PLEKHH2: variants seen among roughly 807,000 people sequenced by gnomAD.
PLEKHH2 encodes the protein pleckstrin homology domain-containing family H member 2.
In PLEKHH2, 129 loss-of-function variants were observed where a neutral mutation model predicts 187.9. The ratio of observed to expected loss-of-function variants is 0.69; its 90% CI spans 0.59 to 0.79. PLEKHH2 has a LOEUF of 0.79. Ranked by LOEUF, PLEKHH2 falls within the 30% of genes least tolerant of loss-of-function variation. The pLI, the probability that PLEKHH2 is intolerant of heterozygous loss-of-function variation, is 0.00. For synonymous variants in PLEKHH2, 686 were observed against 605.6 expected (o/e 1.13, Z -1.95); for missense variants, 2,076 against 1,751.2 (o/e 1.19, Z -3.31).
intron 2 of PLEKHH2, among the ~76,000 whole-genome samples, chr2:43,677,786 C>T (rs1346225267): frequency 2.0e-5 from 3 of 149,578 alleles, no homozygotes; most frequent in Admixed American, 6.6e-5. Flanking sequence ...TGGGCAGAGG[C>T]GCCCCTCACC....
intron 8 of PLEKHH2, 149 bp downstream of exon 8, chr2:43,700,757 A>G: frequency 9.5e-7 from 1 of 1,056,750 alleles, no homozygotes. Context: ...GGTTCAAGTG[A>G]TTCTCCTGCC....
intron 17 of PLEKHH2, among the ~76,000 whole-genome samples, chr2:43,727,475 T>G (rs140302811): frequency 1.7e-4 from 26 of 152,064 alleles, no homozygotes; most frequent in African/African-American, 6.3e-4. Flanking sequence ...GTTGATAGAT[T>G]TGACTATACA....
intron 24 of PLEKHH2, among the ~76,000 whole-genome samples, chr2:43,746,879 C>T (rs781511930): frequency 1.3e-5 from 2 of 151,210 alleles, no homozygotes; most frequent in Admixed American, 6.6e-5. Flanking sequence ...CTGAGGCAGG[C>T]GAATGGCATG....
At chr2:43,715,075 C>T (rs765209888) in intron 15 of PLEKHH2, among the ~76,000 whole-genome samples, 3 of 151,702 alleles carry the variant, frequency 2.0e-5, no homozygotes, top group Non-Finnish European at 2.9e-5. Context: ...GTCAGAAGTT[C>T]GAGACCAGCC....
intron 2 of PLEKHH2, among the ~76,000 whole-genome samples, chr2:43,665,848 C>A (rs1280410708): frequency 2.3e-5 from 3 of 131,928 alleles, no homozygotes; most frequent in African/African-American, 9.3e-5. Context: ...TCTCCAGCTG[C>A]GTGCTGGGAG....
At chr2:43,695,272 T>C (rs182219133) in intron 6 of PLEKHH2, 48 bp downstream of exon 6, 2 of 1,080,046 alleles carry the variant, frequency 1.9e-6, no homozygotes, top group Non-Finnish European at 2.6e-6. Context: ...TTTGACTATA[T>C]AGGCTTTTAC....
At chr2:43,702,454 C>T (rs1669420394) in intron 8 of PLEKHH2, among the ~76,000 whole-genome samples, 1 of 144,180 alleles carries the variant, frequency 6.9e-6, no homozygotes, top group African/African-American at 2.6e-5. Flanking sequence ...TTTTGCCTAT[C>T]TTATGATGTT....
At chr2:43,710,608 T>TG (rs762572145) in intron 14 of PLEKHH2, 33 bp downstream of exon 14, 9 of 1,513,406 alleles carry the variant, frequency 5.9e-6, no homozygotes, top group Non-Finnish European at 7.1e-6. Context: ...TTTTTTTTTT[T>TG]GTATCATGCC....
chr2:43,692,695 G>GC, intron 4 of PLEKHH2, 32 bp downstream of exon 4: 1 of 1,592,748 alleles, frequency 6.3e-7, no homozygotes, highest in South Asian at 1.1e-5. Context: ...AGTTCTAAGT[G>GC]TGTGCACTCA....
intron 5 of PLEKHH2, 28 bp from the exon 6 acceptor site, chr2:43,695,115 T>C: frequency 1.5e-6 from 2 of 1,313,340 alleles, no homozygotes; most frequent in Non-Finnish European, 1.1e-6. Flanking sequence ...TATCTCTATA[T>C]GAAAAGAATA....
At position 43,765,448 on chromosome 2, in the gene PLEKHH2, A is replaced by T; in HGVS notation, c.4332A>T (p.Ile1444=). The change falls in exon 30 of 30, where the codon ATA becomes ATT. Residue 1444 remains isoleucine (I), a synonymous_variant. Transcript: ENST00000282406. ...TCACTCTTTTGATCGCCAGTTACAT[A>T]AACAACTTCCATCAGCAAAAGGCAG... is the stretch of plus-strand genomic sequence containing the variant. ...LEITLLIASY[I]NNFHQQKAAF... The T allele has an allele frequency of 1.2e-6, 2 of 1,614,114 alleles. No homozygotes were observed. Among genetic ancestry groups the T allele is most frequent in the Non-Finnish European group, 1.7e-6 (2 of 1,180,004 alleles).
At chr2:43,711,104 G>A in intron 14 of PLEKHH2, 1 of 985,868 alleles carries the variant, frequency 1.0e-6, no homozygotes, top group Non-Finnish European at 1.2e-6. Flanking sequence ...CATAAGGCCA[G>A]TCTTGCCAGA....
intron 2 of PLEKHH2, among the ~76,000 whole-genome samples, chr2:43,655,143 G>A (rs1351945302): frequency 6.6e-6 from 1 of 151,978 alleles, no homozygotes; most frequent in Non-Finnish European, 1.5e-5. Context: ...AAGTTCCGGG[G>A]GCTGCAGTGC....
At chr2:43,652,112 T>C (rs1216522868) in intron 2 of PLEKHH2, among the ~76,000 whole-genome samples, 1 of 152,184 alleles carries the variant, frequency 6.6e-6, no homozygotes, top group East Asian at 1.9e-4. Context: ...ATAGATGCCA[T>C]AGCTGTTGGA....
Position 43,726,402 on chromosome 2 carries a change from C to T in PLEKHH2, c.2672C>T (p.Pro891Leu). The T allele has an allele frequency of 6.2e-7, 1 of 1,611,918 alleles. No homozygotes were observed. Among genetic ancestry groups the T allele is most frequent in the Non-Finnish European group, 8.5e-7 (1 of 1,178,110 alleles). The part of the protein sequence containing the change: ...LSTHYTIVIH[P>L]KDQGPTYLLI... ...ACACATTATACTATCGTTATCCATC[C>T]CAAAGACCAAGGTCCAACTTACCTC... is the stretch of plus-strand genomic sequence containing the variant. The change falls in exon 17 of 30, where the codon CCC becomes CTC. Residue 891 changes from proline to leucine, a missense_variant. Coordinates refer to ENST00000282406, the MANE Select transcript of PLEKHH2 (RefSeq NM_172069.4).
intron 8 of PLEKHH2, among the ~76,000 whole-genome samples, chr2:43,700,812 G>A (rs1669327911): frequency 6.6e-6 from 1 of 152,054 alleles, no homozygotes; most frequent in Non-Finnish European, 1.5e-5. Context: ...ACCATGCCTG[G>A]CTAATTTTTG....
chr2:43,731,404 G>T, intron 18 of PLEKHH2, 86 bp from the exon 19 acceptor site: 1 of 873,688 alleles, frequency 1.1e-6, no homozygotes, highest in South Asian at 1.6e-5. Context: ...AAGCCTGAAT[G>T]AGCTAATGTC....
intron 1 of PLEKHH2, among the ~76,000 whole-genome samples, chr2:43,643,691 A>G (rs1666052459): frequency 6.6e-6 from 1 of 152,120 alleles, no homozygotes; most frequent in Non-Finnish European, 1.5e-5. Flanking sequence ...GAGGCTTTCC[A>G]TTCCTAATGT....
At chr2:43,717,838 T>A (rs1670285982) in intron 15 of PLEKHH2, among the ~76,000 whole-genome samples, 1 of 152,210 alleles carries the variant, frequency 6.6e-6, no homozygotes, top group Non-Finnish European at 1.5e-5. Flanking sequence ...GAGGATTAAG[T>A]GAATTATTTA....
Sources: allele counts gnomAD v4.1 joint callset (sites outside exome capture counted in the v4.1 genomes callset), GRCh38; gene constraint gnomAD v4.1.1; transcripts MANE v1.5; gene names NCBI Gene and HGNC (gene_info 2026-07-23, HGNC 2026-07-21).